The following FBXO36 variants were observed in gnomAD, a reference collection of about 807,000 sequenced individuals.
FBXO36 encodes F-box only protein 36.
A neutral mutation model predicts 17.0 loss-of-function variants in FBXO36; 18 were observed. The ratio of observed to expected loss-of-function variants is 1.06; its 90% CI spans 0.73 to 1.57. FBXO36 has a LOEUF of 1.57. Ranked by LOEUF, FBXO36 falls within the 40% of genes most tolerant of loss-of-function variation. The pLI, the probability that FBXO36 is intolerant of heterozygous loss-of-function variation, is 0.00. For synonymous variants in FBXO36, 83 were observed against 85.3 expected (o/e 0.97, Z 0.15); for missense variants, 229 against 221.9 (o/e 1.03, Z -0.20).
At chr2:229,954,233 G>GGTTTTTTTTTTTTTTTTTT (rs1283205428) in intron 1 of FBXO36, among the ~76,000 whole-genome samples, 1 of 33,122 alleles carries the variant, frequency 3.0e-5, no homozygotes, top group Non-Finnish European at 6.9e-5. Context: ...AAACCCTTTG[G>GGTTTTTTTTTTTTTTTTTT]ATTTTTTTTT....
chr2:229,999,407 G>A (rs1283140393), intron 3 of FBXO36, among the ~76,000 whole-genome samples: 9 of 151,320 alleles, frequency 5.9e-5, no homozygotes, highest in Non-Finnish European at 1.2e-4. Flanking sequence ...GATTACAGGT[G>A]TGAGCCACCG....
rs577367760 is a variant in FBXO36, at chr2:229,923,514, A to C, written c.96+905A>C. On this transcript the variant is annotated intron_variant, in intron 1 of 3. Transcript: ENST00000283946. ...TTTGTATATATTTGTTTTGGTGTGC[A>C]TATTGATCATTCCCTCAGTTTTTCC... Among the ~76,000 whole-genome samples, 20 of 152,328 alleles carry C rather than the reference A, an allele frequency of 1.3e-4. No individual in the cohort carries two copies. The South Asian group carries it at 3.7e-3, about 28-fold the overall frequency.
chr2:229,961,565 G>A (rs1215055570), intron 1 of FBXO36, among the ~76,000 whole-genome samples: 1 of 151,978 alleles, frequency 6.6e-6, no homozygotes, highest in African/African-American at 2.4e-5. Context: ...TAGTAGAGAC[G>A]GGGTTTCACC....
At chr2:229,932,729 C>T (rs756958906) in intron 1 of FBXO36, 10 of 158,440 alleles carry the variant, frequency 6.3e-5, no homozygotes, top group South Asian at 6.2e-4. Context: ...CTGGAAAAAG[C>T]ACTGGAGTTT....
rs562373042 is a variant in FBXO36 at position 230,010,992 on chromosome 2, G to T, written c.*108G>T. 1.4e-4 allele frequency: 174 copies of T among 1,201,332 alleles called. No homozygotes were observed. Among genetic ancestry groups the T allele is most frequent in the Non-Finnish European group, 1.9e-4 (167 of 875,936 alleles). The allele number at this position is 1,201,332 out of a possible 1,614,324, so 74.4% of individuals were successfully genotyped here. On this transcript the variant is annotated 3_prime_UTR_variant, in exon 4 of 4. Coordinates refer to ENST00000283946, the MANE Select transcript of FBXO36 (RefSeq NM_174899.5). Reference sequence around the variant, plus strand: ...AAGAACTAAGAGGTTTTGTTGATGCGTGGAGCCATTTGAAACTCGTAGGGG... The same window carrying T: ...AAGAACTAAGAGGTTTTGTTGATGCTTGGAGCCATTTGAAACTCGTAGGGG...
At chr2:229,959,179 ATAATTTT>A (rs1367800541) in intron 1 of FBXO36, among the ~76,000 whole-genome samples, 2 of 152,122 alleles carry the variant, frequency 1.3e-5, no homozygotes, top group Admixed American at 1.3e-4. Flanking sequence ...CTTTTTTAAA[ATAATTTT>A]TAATTTTTAA....
chr2:229,970,670 C>G (rs1016993147), intron 1 of FBXO36, among the ~76,000 whole-genome samples: 1 of 152,140 alleles, frequency 6.6e-6, no homozygotes. Flanking sequence ...TGCAGACATT[C>G]ATTTAGGATG....
intron 1 of FBXO36, among the ~76,000 whole-genome samples, chr2:229,963,840 A>G (rs988510323): frequency 2.6e-5 from 4 of 152,194 alleles, no homozygotes; most frequent in African/African-American, 9.6e-5. Flanking sequence ...CCATAATTTT[A>G]TTAGATTATG....
chr2:229,973,779 G>C lies in FBXO36; in HGVS notation c.97-2462G>C, dbSNP rs183778870. On this transcript the variant is annotated intron_variant, in intron 1 of 3. Coordinates refer to ENST00000283946, the MANE Select transcript of FBXO36 (RefSeq NM_174899.5). ...TTTGTCTATTCGGCTGGGCACAGTG[G>C]CTCATGACTATAATCCCAGCACATT... 1.3e-4 allele frequency among the ~76,000 whole-genome samples: 20 copies of C among 151,772 alleles called. No individual in the cohort carries two copies. The East Asian group carries it at 3.7e-3, about 28-fold the overall frequency.
intron 3 of FBXO36, among the ~76,000 whole-genome samples, chr2:230,010,104 A>G (rs1405700313): frequency 6.6e-6 from 1 of 151,900 alleles, no homozygotes; most frequent in Admixed American, 6.6e-5. Flanking sequence ...TCTACTAAAA[A>G]TACAAAATTA....
chr2:229,927,792 A>T (rs574085972), intron 1 of FBXO36, among the ~76,000 whole-genome samples: 1 of 152,280 alleles, frequency 6.6e-6, no homozygotes, highest in South Asian at 2.1e-4. Context: ...CTCTAAAAAA[A>T]ATGGCAATTA....
At chr2:229,975,577 G>A (rs2077203289) in intron 1 of FBXO36, among the ~76,000 whole-genome samples, 1 of 150,016 alleles carries the variant, frequency 6.7e-6, no homozygotes, top group Admixed American at 6.7e-5. Flanking sequence ...CGGGCTCAGG[G>A]GATCCTCCCA....
chr2:229,939,800 C>G (rs569459571), intron 1 of FBXO36, among the ~76,000 whole-genome samples: 93 of 152,226 alleles, frequency 6.1e-4, no homozygotes, highest in Admixed American at 1.0e-3. Flanking sequence ...AGCTAAGAAC[C>G]GCCGGGCGCC....
intron 2 of FBXO36, among the ~76,000 whole-genome samples, chr2:229,996,429 T>C (rs1320954272): frequency 3.9e-5 from 6 of 152,112 alleles, no homozygotes; most frequent in Admixed American, 2.6e-4. Context: ...ATGAGTACAA[T>C]GGTAATGCCA....
chr2:229,963,589 C>T lies in FBXO36; in HGVS notation c.97-12652C>T, dbSNP rs541444491. Among the ~76,000 whole-genome samples, 7 of 151,976 alleles carry T rather than the reference C, an allele frequency of 4.6e-5. No individual in the cohort carries two copies. In the East Asian group the frequency reaches 9.7e-4, roughly 21 times the overall value. Reference sequence around the variant, plus strand: ...CCTCCCGAGTAGCTGGGACTACAGGCGCCCGCCACCATGCCCGGCTAATTT... The same window carrying T: ...CCTCCCGAGTAGCTGGGACTACAGGTGCCCGCCACCATGCCCGGCTAATTT... On this transcript the variant is annotated intron_variant, in intron 1 of 3. Transcript: ENST00000283946.
chr2:229,923,773 T>C (rs1005610330), intron 1 of FBXO36, among the ~76,000 whole-genome samples: 2 of 151,580 alleles, frequency 1.3e-5, no homozygotes, highest in South Asian at 4.2e-4. Context: ...TAAACTGTTC[T>C]TAGGGGGTTT....
chr2:229,944,632 G>T (rs1382156516), intron 1 of FBXO36, among the ~76,000 whole-genome samples: 1 of 131,682 alleles, frequency 7.6e-6, no homozygotes, highest in Non-Finnish European at 1.5e-5. Flanking sequence ...ACGCTCTGTC[G>T]CCCAGGCTGG....
chr2:229,996,254 G>T (rs1383695960), intron 2 of FBXO36, among the ~76,000 whole-genome samples: 1 of 151,692 alleles, frequency 6.6e-6, no homozygotes, highest in East Asian at 1.9e-4. Flanking sequence ...CTCCAGCCTG[G>T]GCGACCCCAT....
chr2:229,963,637 G>A (rs993433270), intron 1 of FBXO36, among the ~76,000 whole-genome samples: 10 of 151,482 alleles, frequency 6.6e-5, no homozygotes, highest in African/African-American at 1.9e-4. Flanking sequence ...GTAGAGATGC[G>A]GTTTCACCGT....
Sources: gnomAD v4.1 joint callset for allele counts (sites outside exome capture counted in the v4.1 genomes callset) on GRCh38, gnomAD v4.1.1 for gene constraint, MANE v1.5 for transcripts, NCBI Gene and HGNC (gene_info 2026-07-23, HGNC 2026-07-21) for gene names.